DCST2: variants seen among roughly 807,000 people sequenced by gnomAD.
DCST2 encodes DC-STAMP domain-containing protein 2.
In DCST2, 64 loss-of-function variants were observed where a neutral mutation model predicts 81.8. The ratio of observed to expected loss-of-function variants is 0.78; its 90% confidence interval spans 0.64 to 0.96. The LOEUF is 0.96. Among genes scored for constraint, DCST2 ranks in the 40% least tolerant of loss-of-function variants. DCST2 has a pLI of 0.00. For missense variants in DCST2, 945 were observed against 1,001.4 expected (o/e 0.94, Z 0.76); for synonymous variants, 354 against 402.6 (o/e 0.88, Z 1.44).
At chr1:155,019,678 C>G (rs1260141767) in intron 14 of DCST2, among the ~76,000 whole-genome samples, 1 of 152,232 alleles carries the variant, frequency 6.6e-6, no homozygotes, top group Non-Finnish European at 1.5e-5. Context: ...ACCAAAGACA[C>G]CTCAATTCTC....
At position 155,026,339 on chromosome 1, in the gene DCST2, C is replaced by A; in HGVS notation, c.1574G>T (p.Arg525Leu). The A allele has an allele frequency of 6.2e-7, 1 of 1,613,840 alleles. No individual in the cohort carries two copies. The highest frequency in any genetic ancestry group is 1.6e-4 in the Middle Eastern group (1 of 6,062). Reference protein sequence around the residue: ...LFGSYVSRLRRVICASYYPSR... With the variant: ...LFGSYVSRLRLVICASYYPSR... ...TGGGTAGTAGGAGGCACAGATGACT[C>A]GCCGCAGCCGGCTGACATAGCTGCC... Residue 525 changes from arginine to leucine, a missense_variant, in exon 10 of 15, where the codon CGA (arginine) becomes CTA (leucine). Physicochemically the swap from Arg to Leu is moderately radical, Grantham distance 102. Transcript: ENST00000368424.
At chr1:155,026,268 G>T (rs765542330) in intron 10 of DCST2, 34 bp downstream of exon 10, 1 of 1,608,858 alleles carries the variant, frequency 6.2e-7, no homozygotes, top group Non-Finnish European at 8.5e-7. Flanking sequence ...CTGGGGAGGG[G>T]GCAGGGACTA....
intron 14 of DCST2, among the ~76,000 whole-genome samples, chr1:155,019,137 C>G (rs1372729708): frequency 6.6e-6 from 1 of 152,194 alleles, no homozygotes; most frequent in Non-Finnish European, 1.5e-5. Context: ...CTCATCATGA[C>G]CTCTACCGCC....
intron 6 of DCST2, 70 bp downstream of exon 6, chr1:155,030,362 A>T (rs1660037339): frequency 9.4e-6 from 15 of 1,593,484 alleles, no homozygotes; most frequent in Middle Eastern, 2.0e-4. Flanking sequence ...GGGAGAAATG[A>T]GCTGCTCCCT....
intron 4 of DCST2, 51 bp downstream of exon 4, chr1:155,031,523 C>T: frequency 2.0e-6 from 2 of 998,152 alleles, no homozygotes; most frequent in Non-Finnish European, 3.2e-6. Context: ...ATTCCCACCC[C>T]ACCCCACCCC....
At chr1:155,031,374 CCT>C (rs1239282212) in intron 4 of DCST2, 140 bp from the exon 5 acceptor site, 4 of 1,048,912 alleles carry the variant, frequency 3.8e-6, no homozygotes, top group Non-Finnish European at 5.5e-6. Context: ...GTAGCACCTC[CCT>C]GTCGCCCTTC....
chr1:155,024,966 T>A, intron 10 of DCST2, among the ~76,000 whole-genome samples: 1 of 151,828 alleles, frequency 6.6e-6, no homozygotes, highest in East Asian at 1.9e-4. Context: ...CTGACCAACA[T>A]GGAGAAACGC....
rs770965710 is a variant in DCST2, at chr1:155,029,369, C to T, written c.1206G>A (p.Lys402=). 6.2e-7 allele frequency: 1 copy of T among 1,614,090 alleles called. No homozygotes were observed. Among genetic ancestry groups the T allele is most frequent in the South Asian group, 1.1e-5 (1 of 91,084 alleles). The part of the protein sequence containing the change: ...PGSIFLSQWE[K]FFYILETFNL... ...TGAAGGTCTCCAGAATGTAAAAAAA[C>T]TTCTCCCATTGGGACAAGAAGATGG... The change falls in exon 8 of 15, where the codon AAG becomes AAA. Residue 402 remains lysine, a synonymous_variant. Transcript: ENST00000368424.
rs1227870483 is a variant in DCST2 at position 155,033,181 on chromosome 1, G to T, written c.352C>A (p.Arg118=). The T allele has an allele frequency of 3.1e-6, 5 of 1,613,258 alleles. No homozygotes were observed. The East Asian group carries it at 8.9e-5, about 29-fold the overall frequency. The change falls in exon 2 of 15, where the codon CGG becomes AGG. Residue 118 remains arginine, a synonymous_variant. Transcript: ENST00000368424. ...CCACAGGCTACAGCCTCGCTGGCCC[G>T]GGTGAAGTTGCGTAGAGTGTTGGCA... The part of the protein sequence containing the change: ...PCANTLRNFT[R]ASEAVACGAE...
chr1:155,032,513 C>T (rs1460067473), intron 3 of DCST2, among the ~76,000 whole-genome samples, 154 bp downstream of exon 3: 2 of 151,822 alleles, frequency 1.3e-5, no homozygotes, highest in East Asian at 1.9e-4. Context: ...GACAGGGTCT[C>T]GCCATGTTGC....
At chr1:155,031,803 C>G in intron 3 of DCST2, 32 bp from the exon 4 acceptor site, 1 of 1,607,022 alleles carries the variant, frequency 6.2e-7, no homozygotes, top group Non-Finnish European at 8.5e-7. Context: ...GCACCCAGGG[C>G]TGGAATCCTA....
chr1:155,026,442 A>C, intron 9 of DCST2, 40 bp from the exon 10 acceptor site: 1 of 1,613,260 alleles, frequency 6.2e-7, no homozygotes, highest in Non-Finnish European at 8.5e-7. Flanking sequence ...ACCAGCAGGC[A>C]CAAGTGCCAG....
chr1:155,027,447 C>A (rs1261320323), intron 8 of DCST2, among the ~76,000 whole-genome samples: 1 of 147,176 alleles, frequency 6.8e-6, no homozygotes, highest in Non-Finnish European at 1.5e-5. Context: ...AGTAAGACCC[C>A]CAGAAACATT....
Position 155,021,247 on chromosome 1 carries a change from C to T in DCST2, c.2105+1870G>A, listed in dbSNP as rs764850084. On this transcript the variant is annotated intron_variant, in intron 14 of 14. Transcript: ENST00000368424. Reference sequence around the variant, plus strand: ...AACTCCTGACCTTAAGTGGTCCTCCCGCCTCAGCCTCCCAAAGTGCTGGGA... The same window carrying T: ...AACTCCTGACCTTAAGTGGTCCTCCTGCCTCAGCCTCCCAAAGTGCTGGGA... Among the ~76,000 whole-genome samples the T allele has an allele frequency of 3.0e-4, 45 of 151,936 alleles. 1 individual carries two copies. The highest frequency in any genetic ancestry group is 5.3e-4 in the Non-Finnish European group (36 of 68,010).
In DCST2 at chr1:155,026,240, A is replaced by G. The variant is rs534683469; in HGVS notation, c.1611+62T>C. ...GTCAGCTCCCAAAGCCAAAAAAGCC[A>G]GCCACTAGCTAAGCCCCCTGGGGAG... On this transcript the variant is annotated intron_variant, in intron 10 of 14. Transcript: ENST00000368424. 3.0e-5 allele frequency: 46 copies of G among 1,555,136 alleles called. No individual in the cohort carries two copies. The African/African-American group carries it at 6.0e-4, about 20-fold the overall frequency.
intron 2 of DCST2, 33 bp downstream of exon 2, chr1:155,033,061 C>G (rs1006699118): frequency 1.3e-6 from 2 of 1,509,984 alleles, no homozygotes; most frequent in African/African-American, 1.4e-5. Flanking sequence ...GAGGGGGGCC[C>G]GTGGGAGACA....
intron 2 of DCST2, 145 bp downstream of exon 2, chr1:155,032,949 G>T (rs563164531): frequency 8.6e-6 from 9 of 1,047,858 alleles, no homozygotes; most frequent in Non-Finnish European, 1.2e-5. Flanking sequence ...AGGAGAGAGG[G>T]TTTAGCTGTG....
chr1:155,029,964 G>T, intron 7 of DCST2, 120 bp downstream of exon 7: 1 of 1,442,854 alleles, frequency 6.9e-7, no homozygotes, highest in East Asian at 2.3e-5. Flanking sequence ...TCCTCCCTCT[G>T]GCCCCTGCCC....
At chr1:155,033,023 A>G in intron 2 of DCST2, 71 bp downstream of exon 2, 1 of 1,448,162 alleles carries the variant, frequency 6.9e-7, no homozygotes, top group East Asian at 2.5e-5. Context: ...AGGCCAAAGG[A>G]CTGTAGAACA....
Sources: gnomAD v4.1 joint callset for allele counts (sites outside exome capture counted in the v4.1 genomes callset) on GRCh38, gnomAD v4.1.1 for gene constraint, MANE v1.5 for transcripts, NCBI Gene and HGNC (gene_info 2026-07-23, HGNC 2026-07-21) for gene names.